CACHD1: variants seen among roughly 807,000 people sequenced by gnomAD.
CACHD1 encodes VWFA and cache domain-containing protein 1.
Under a neutral mutation model 138.7 loss-of-function variants are expected in CACHD1, and 71 were observed. The observed-to-expected ratio is 0.51, with a 90% CI of 0.42 to 0.62. The LOEUF is 0.62. CACHD1 is among the 20% of genes least tolerant of loss of function. CACHD1 has a pLI of 0.00. For missense variants in CACHD1, 1,389 were observed against 1,625.3 expected, an observed-to-expected ratio of 0.85 and a Z score of 2.50; for synonymous variants, 578 against 591.5, an observed-to-expected ratio of 0.98 and a Z score of 0.33.
chr1:64,539,614 T>A (rs1570347227), intron 1 of CACHD1, among the ~76,000 whole-genome samples: 1 of 152,178 alleles, frequency 6.6e-6, no homozygotes, highest in Non-Finnish European at 1.5e-5. Context: ...GTGTAGTGAG[T>A]CCTTTGTAAG....
At chr1:64,474,538 G>A (rs1317432090) in intron 1 of CACHD1, among the ~76,000 whole-genome samples, 1 of 152,236 alleles carries the variant, frequency 6.6e-6, no homozygotes, top group East Asian at 1.9e-4. Flanking sequence ...GGATGTGGTT[G>A]TTCTCAAATG....
At chr1:64,475,268 TC>T (rs1344702158) in intron 1 of CACHD1, among the ~76,000 whole-genome samples, 1 of 136,752 alleles carries the variant, frequency 7.3e-6, no homozygotes, top group Non-Finnish European at 1.5e-5. Flanking sequence ...AACCTCAAAC[TC>T]CTGGGCTCAA....
chr1:64,586,073 G>GT (rs1465726127), intron 3 of CACHD1, among the ~76,000 whole-genome samples: 1 of 151,992 alleles, frequency 6.6e-6, no homozygotes, highest in Non-Finnish European at 1.5e-5. Flanking sequence ...CCTTCCTTTT[G>GT]TTTTTTTGGA....
intron 1 of CACHD1, among the ~76,000 whole-genome samples, chr1:64,518,421 A>C (rs1320075366): frequency 6.6e-6 from 1 of 152,200 alleles, no homozygotes; most frequent in African/African-American, 2.4e-5. Flanking sequence ...CCTGGCTTTC[A>C]ACATTCAAGA....
intron 8 of CACHD1, among the ~76,000 whole-genome samples, chr1:64,643,812 TG>T (rs1648816658): frequency 6.6e-6 from 1 of 152,018 alleles, no homozygotes; most frequent in Non-Finnish European, 1.5e-5. Flanking sequence ...CACTCCAGCC[TG>T]GGCGACAGAG....
At chr1:64,605,519 C>T (rs1570409999) in intron 4 of CACHD1, among the ~76,000 whole-genome samples, 1 of 152,132 alleles carries the variant, frequency 6.6e-6, no homozygotes, top group Non-Finnish European at 1.5e-5. Flanking sequence ...TTCTAGTAGA[C>T]AGTACCTTCC....
intron 1 of CACHD1, among the ~76,000 whole-genome samples, chr1:64,534,680 T>C (rs976203073): frequency 2.0e-5 from 3 of 152,260 alleles, no homozygotes; most frequent in Non-Finnish European, 2.9e-5. Context: ...TAGTGCTGCA[T>C]CTTCCAGAGC....
intron 2 of CACHD1, among the ~76,000 whole-genome samples, chr1:64,555,953 TTATC>T (rs1477700989): frequency 1.3e-5 from 2 of 152,242 alleles, no homozygotes; most frequent in East Asian, 1.9e-4. Flanking sequence ...ATTAGTCTAT[TTATC>T]TATCCTTGTG....
At chr1:64,627,576 G>A (rs1648154768) in intron 4 of CACHD1, among the ~76,000 whole-genome samples, 1 of 152,090 alleles carries the variant, frequency 6.6e-6, no homozygotes, top group African/African-American at 2.4e-5. Context: ...GCACATGACT[G>A]TTGCACCTGA....
At chr1:64,544,630 CTT>C (rs34385450) in intron 1 of CACHD1, among the ~76,000 whole-genome samples, 1 of 146,378 alleles carries the variant, frequency 6.8e-6, no homozygotes, top group Non-Finnish European at 1.5e-5. Flanking sequence ...AGATGTTTGT[CTT>C]TTTTTTTTTT....
chr1:64,533,776 G>A (rs911710232), intron 1 of CACHD1, among the ~76,000 whole-genome samples: 56 of 132,216 alleles, frequency 4.2e-4, no homozygotes, highest in African/African-American at 1.4e-3. Flanking sequence ...TTGTGAAGAC[G>A]GAATCTTGCT....
intron 3 of CACHD1, among the ~76,000 whole-genome samples, chr1:64,588,319 C>G (rs1647067688): frequency 1.3e-5 from 2 of 152,178 alleles, no homozygotes; most frequent in Non-Finnish European, 2.9e-5. Flanking sequence ...ATCCCTGAAA[C>G]CCAGCTTGCC....
At chr1:64,550,995 C>G (rs1646754935) in intron 2 of CACHD1, among the ~76,000 whole-genome samples, 1 of 152,124 alleles carries the variant, frequency 6.6e-6, no homozygotes, top group Non-Finnish European at 1.5e-5. Context: ...AGACAGACCC[C>G]ACGTCAAATT....
chr1:64,508,873 T>C (rs892175079), intron 1 of CACHD1, among the ~76,000 whole-genome samples: 1 of 152,130 alleles, frequency 6.6e-6, no homozygotes, highest in African/African-American at 2.4e-5. Flanking sequence ...CTTTTTATCC[T>C]TGAAAAAGGC....
At chr1:64,679,466 C>A in intron 23 of CACHD1, 129 bp from the exon 24 acceptor site, 1 of 992,160 alleles carries the variant, frequency 1.0e-6, no homozygotes, top group Non-Finnish European at 1.5e-6. Context: ...GAACTCAAAG[C>A]CTAACTAAGC....
At position 64,629,466 on chromosome 1, in the gene CACHD1, A is replaced by G; in HGVS notation, c.629A>G (p.Tyr210Cys). The G allele has an allele frequency of 6.2e-7, 1 of 1,614,138 alleles. No individual in the cohort carries two copies. ...PAHKFRCKGSYEHRSRPIYVS... is the reference protein window; with the variant it reads ...PAHKFRCKGSCEHRSRPIYVS... ...CACAAGTTCCGGTGTAAGGGCAGCT[A>G]CGAACACCGCAGTAGGTATGTTGAC... is the stretch of plus-strand genomic sequence containing the variant. Residue 210 changes from tyrosine (Y) to cysteine (C), a missense_variant, in exon 5 of 27, where the codon TAC (tyrosine) becomes TGC (cysteine). Tyr to Cys is a radical substitution (Grantham distance 194, BLOSUM62 -2). Coordinates refer to ENST00000651257, the MANE Select transcript of CACHD1 (RefSeq NM_020925.4).
chr1:64,500,414 G>A (rs994135556), intron 1 of CACHD1, among the ~76,000 whole-genome samples: 6 of 152,206 alleles, frequency 3.9e-5, no homozygotes, highest in South Asian at 2.1e-4. Flanking sequence ...TATAATCTTC[G>A]AAGAACTTTC....
chr1:64,669,460 T>C (rs918186931), intron 16 of CACHD1, among the ~76,000 whole-genome samples: 1 of 152,230 alleles, frequency 6.6e-6, no homozygotes. Context: ...ATTTTCTAAT[T>C]CAACACTCAC....
At chr1:64,588,834 G>T (rs990545251) in intron 3 of CACHD1, among the ~76,000 whole-genome samples, 9 of 152,152 alleles carry the variant, frequency 5.9e-5, no homozygotes, top group Admixed American at 5.2e-4. Flanking sequence ...ATAAGCTACG[G>T]AGGAAATACT....
Sources: gnomAD v4.1 joint callset for allele counts (sites outside exome capture counted in the v4.1 genomes callset) on GRCh38, gnomAD v4.1.1 for gene constraint, MANE v1.5 for transcripts, NCBI Gene and HGNC (gene_info 2026-07-23, HGNC 2026-07-21) for gene names.